CSMD2: variants seen among roughly 807,000 people sequenced by gnomAD.
CSMD2 encodes the protein CUB and Sushi multiple domains 2.
In CSMD2, 130 loss-of-function variants were observed where a neutral mutation model predicts 398.5. The ratio of observed to expected loss-of-function variants is 0.33; its 90% CI spans 0.28 to 0.38. CSMD2 has a LOEUF of 0.38. Among genes scored for constraint, CSMD2 ranks in the 10% least tolerant of loss-of-function variants. CSMD2 has a pLI of 1.00. For missense variants in CSMD2, 3,829 were observed against 4,764.9 expected, an observed-to-expected ratio of 0.80 and a Z score of 5.78; for synonymous variants, 1,828 against 1,908.5, an observed-to-expected ratio of 0.96 and a Z score of 1.10.
intron 15 of CSMD2, among the ~76,000 whole-genome samples, chr1:33,735,275 G>A (rs1646849121): frequency 6.6e-6 from 1 of 152,176 alleles, no homozygotes; most frequent in African/African-American, 2.4e-5. Context: ...TCCTAGCAGG[G>A]ACAATAACGA....
Position 33,700,580 on chromosome 1 carries a change from G to C in CSMD2, c.3670C>G (p.Leu1224Val), listed in dbSNP as rs752080766. The C allele has an allele frequency of 1.4e-5, 22 of 1,614,182 alleles. No individual in the cohort carries two copies. In the Admixed American group the frequency reaches 3.7e-4, roughly 27 times the overall value. ...GVTLNSTSSS[L>V]WLDFITDAEN... Reference sequence around the variant, plus strand: ...GCATCAGTGATGAAATCAAGCCACAGACTGCTGGATGTGCTGTTCAAAGTC... The same window carrying C: ...GCATCAGTGATGAAATCAAGCCACACACTGCTGGATGTGCTGTTCAAAGTC... Residue 1224 changes from leucine (L) to valine (V), a missense_variant, in exon 23 of 71, where the codon CTG (leucine) becomes GTG (valine). Physicochemically the swap from Leu to Val is conservative, Grantham distance 32. This residue lies in a region of CSMD2 where 2,001 missense variants were observed against 2,567.1 expected (regional missense o/e 0.78). Coordinates refer to ENST00000373381, the MANE Select transcript of CSMD2 (RefSeq NM_001281956.2).
At chr1:33,709,286 A>G (rs773031564) in intron 21 of CSMD2, 28 bp from the exon 22 acceptor site, 24 of 1,595,226 alleles carry the variant, frequency 1.5e-5, no homozygotes, top group Non-Finnish European at 2.0e-5. Context: ...ATAACCATAG[A>G]TTAACCCCCA....
chr1:34,072,568 C>T (rs1488418637), intron 2 of CSMD2, among the ~76,000 whole-genome samples: 1 of 152,110 alleles, frequency 6.6e-6, no homozygotes. Flanking sequence ...GCAGGCAGGA[C>T]CAATTGTGAG....
chr1:33,588,516 C>A (rs1639232255), intron 44 of CSMD2, among the ~76,000 whole-genome samples: 1 of 152,060 alleles, frequency 6.6e-6, no homozygotes, highest in Non-Finnish European at 1.5e-5. Flanking sequence ...TAACTAGGAG[C>A]CTATATCCCA....
intron 2 of CSMD2, among the ~76,000 whole-genome samples, chr1:34,085,721 C>T (rs1382747094): frequency 1.3e-5 from 2 of 152,096 alleles, no homozygotes; most frequent in Non-Finnish European, 2.9e-5. Flanking sequence ...TGCTGCTTAA[C>T]TGCCTATTAT....
At chr1:34,105,702 G>A (rs562806691) in intron 1 of CSMD2, among the ~76,000 whole-genome samples, 2 of 152,098 alleles carry the variant, frequency 1.3e-5, no homozygotes, top group African/African-American at 2.4e-5. Flanking sequence ...ACTGAAAATC[G>A]ATCATACACT....
At chr1:33,778,948 A>T (rs1569884041) in intron 12 of CSMD2, among the ~76,000 whole-genome samples, 1 of 151,858 alleles carries the variant, frequency 6.6e-6, no homozygotes. Context: ...CATACCCAGA[A>T]CCCTCTGCTA....
intron 64 of CSMD2, among the ~76,000 whole-genome samples, chr1:33,532,563 T>C (rs192919944): frequency 3.3e-5 from 5 of 152,176 alleles, no homozygotes; most frequent in African/African-American, 7.2e-5. Flanking sequence ...TGATAACGTG[T>C]CTGTCTTCCA....
At chr1:34,141,995 T>G (rs1639338176) in intron 1 of CSMD2, among the ~76,000 whole-genome samples, 1 of 152,164 alleles carries the variant, frequency 6.6e-6, no homozygotes, top group Non-Finnish European at 1.5e-5. Context: ...ACCAGGTTTC[T>G]GGGCACCACG....
At chr1:33,959,485 C>T (rs1369091833) in intron 3 of CSMD2, among the ~76,000 whole-genome samples, 1 of 152,182 alleles carries the variant, frequency 6.6e-6, no homozygotes, top group East Asian at 1.9e-4. Context: ...TGTCCTCAGG[C>T]CCTACCTCTA....
chr1:33,601,621 A>T (rs1231379518), intron 43 of CSMD2, among the ~76,000 whole-genome samples: 3 of 152,296 alleles, frequency 2.0e-5, no homozygotes, highest in African/African-American at 7.2e-5. Flanking sequence ...ACCACCAAAC[A>T]AAGGAATTTT....
chr1:33,705,322 A>G (rs186546830), intron 22 of CSMD2, among the ~76,000 whole-genome samples: 82 of 133,212 alleles, frequency 6.2e-4, no homozygotes, highest in South Asian at 1.1e-3. Flanking sequence ...TATTCACTGT[A>G]ACGTGCAATA....
intron 5 of CSMD2, chr1:33,864,772 CAA>C (rs1197525225): frequency 6.3e-7 from 1 of 1,575,140 alleles, no homozygotes; most frequent in Admixed American, 1.8e-5. Context: ...TTTGAAAAAA[CAA>C]AATGCCATTC....
At position 33,709,098 on chromosome 1, in the gene CSMD2, A is replaced by G. The variant is rs1468655750; in HGVS notation, c.3567T>C (p.Asp1189=). Residue 1189 remains aspartate, a synonymous_variant, in exon 22 of 71, where the codon GAT becomes GAC. Coordinates refer to ENST00000373381, the MANE Select transcript of CSMD2 (RefSeq NM_001281956.2). The stretch of plus-strand genomic sequence containing the variant: ...AATCGATCAATTTTACCTTGAGGAC[A>G]TCTCCTTCGGAGAGTTCGAATGCCC... The part of the protein sequence containing the change: ...KARAFELSEG[D]VLKVYDGNNN... 2 of 1,611,976 alleles carry G rather than the reference A, an allele frequency of 1.2e-6. No homozygotes were observed. The highest frequency in any genetic ancestry group is 1.7e-6 in the Non-Finnish European group (2 of 1,179,208).
Position 33,569,320 on chromosome 1 carries a change from T to A in CSMD2, c.8131+54A>T, listed in dbSNP as rs377332373. The A allele has an allele frequency of 1.3e-4, 194 of 1,532,124 alleles. 2 individuals carry two copies. The African/African-American group carries it at 2.5e-3, about 20-fold the overall frequency. 94.9% of individuals were successfully genotyped at this position (1,532,124 alleles called of 1,614,324 possible). On this transcript the variant is annotated intron_variant, in intron 52 of 70. Transcript: ENST00000373381. ...ACTGGATCTCAGCTTTGGAAAGATC[T>A]AATCTATCTCAAGGAGAAAAACTGG...
Position 33,652,606 on chromosome 1 carries a change from A to T in CSMD2, c.4448-145T>A, listed in dbSNP as rs547277002. 4 of 809,682 alleles carry T rather than the reference A, an allele frequency of 4.9e-6. No homozygotes were observed. The South Asian group carries it at 7.6e-5, about 15-fold the overall frequency. 50.2% of individuals were successfully genotyped at this position (809,682 alleles called of 1,614,324 possible). On this transcript the variant is annotated intron_variant, in intron 27 of 70. Transcript: ENST00000373381. ...GGCTTAGGGACTCAGGAGAAGGTGA[A>T]ATGATGGACTTCTACTTTGGAGGGT...
chr1:33,762,388 G>A (rs1285552898), intron 13 of CSMD2, among the ~76,000 whole-genome samples: 1 of 152,190 alleles, frequency 6.6e-6, no homozygotes, highest in Admixed American at 6.5e-5. Flanking sequence ...GATCCCAAAG[G>A]TGAAAGCTGA....
intron 64 of CSMD2, among the ~76,000 whole-genome samples, chr1:33,527,488 G>C (rs1327391087): frequency 6.6e-6 from 1 of 152,038 alleles, no homozygotes; most frequent in East Asian, 1.9e-4. Flanking sequence ...TTTATTAGTT[G>C]GAGTTCTTAC....
Position 33,709,082 on chromosome 1 carries a change from ATT to A in CSMD2, c.3576+5_3576+6del. On this transcript the variant is annotated splice_donor_5th_base_variant and intron_variant, in intron 22 of 70. Transcript: ENST00000373381. ...AACACACATACTCTGAAATCGATCA[ATT>A]TTACCTTGAGGACATCTCCTTCGGA... is the stretch of plus-strand genomic sequence containing the variant. The A allele has an allele frequency of 1.2e-6, 2 of 1,608,594 alleles. No homozygotes were observed. Among genetic ancestry groups the A allele is most frequent in the Non-Finnish European group, 1.7e-6 (2 of 1,177,426 alleles).
Sources: gnomAD v4.1 joint callset for allele counts (sites outside exome capture counted in the v4.1 genomes callset) on GRCh38, gnomAD v4.1.1 for gene constraint, gnomAD v4.1.1 regional missense constraint, MANE v1.5 for transcripts, NCBI Gene and HGNC (gene_info 2026-07-23, HGNC 2026-07-21) for gene names.